SCOC: variants seen among roughly 807,000 people sequenced by gnomAD.
SCOC encodes the protein short coiled-coil protein.
Under a neutral mutation model 9.9 loss-of-function variants are expected in SCOC, and 7 were observed. That is an observed-to-expected ratio of 0.71 (90% CI 0.40 to 1.33). The LOEUF (loss-of-function observed/expected upper bound fraction) is 1.33. SCOC is among the 40% of genes most tolerant of loss of function. The pLI, the probability that SCOC is intolerant of heterozygous loss-of-function variation, is 0.01. For synonymous variants in SCOC, 19 were observed against 28.2 expected, an observed-to-expected ratio of 0.67 and a Z score of 1.03; for missense variants, 66 against 89.7, an observed-to-expected ratio of 0.74 and a Z score of 1.07.
intron 1 of SCOC, among the ~76,000 whole-genome samples, chr4:140,292,234 G>A (rs1255690046): frequency 6.6e-6 from 1 of 150,388 alleles, no homozygotes; most frequent in Non-Finnish European, 1.5e-5. Flanking sequence ...TGTCACCCAG[G>A]CTGGAGTGCA....
At chr4:140,380,234 G>C (rs1433465730) in intron 3 of SCOC, among the ~76,000 whole-genome samples, 1 of 78,060 alleles carries the variant, frequency 1.3e-5, no homozygotes, top group East Asian at 4.0e-4. Flanking sequence ...GTTCACTCTT[G>C]TTGCCCAGGT....
intron 1 of SCOC, among the ~76,000 whole-genome samples, chr4:140,272,966 T>G (rs1730882586): frequency 6.6e-6 from 1 of 152,212 alleles, no homozygotes; most frequent in South Asian, 2.1e-4. Context: ...GGCCCCTCTT[T>G]TCTTACTGTT....
chr4:140,348,295 C>T (rs552386740), intron 2 of SCOC, among the ~76,000 whole-genome samples: 2 of 152,120 alleles, frequency 1.3e-5, no homozygotes, highest in Admixed American at 1.3e-4. Context: ...ATCCTTTGGC[C>T]AACATCTCCG....
intron 1 of SCOC, chr4:140,293,474 A>G: frequency 2.2e-6 from 1 of 444,688 alleles, no homozygotes; most frequent in Non-Finnish European, 4.5e-6. Context: ...TGAGATGGAA[A>G]TGCCGGTCTG....
At chr4:140,326,033 C>T (rs539400979) in intron 1 of SCOC, among the ~76,000 whole-genome samples, 70 of 152,250 alleles carry the variant, frequency 4.6e-4, no homozygotes, top group South Asian at 3.7e-3. Flanking sequence ...CACAACAACA[C>T]GGATCTTAAA....
intron 1 of SCOC, among the ~76,000 whole-genome samples, chr4:140,273,953 ATTTGAC>A (rs1357823388): frequency 1.3e-5 from 2 of 152,230 alleles, no homozygotes; most frequent in Non-Finnish European, 2.9e-5. Context: ...ATGATTACCT[ATTTGAC>A]TTTGATAAGT....
intron 1 of SCOC, among the ~76,000 whole-genome samples, chr4:140,276,104 G>A (rs1376911785): frequency 2.0e-5 from 3 of 151,914 alleles, no homozygotes; most frequent in African/African-American, 4.8e-5. Context: ...CTGGGTTCAC[G>A]CCATTCTCCT....
upstream of SCOC, among the ~76,000 whole-genome samples, chr4:140,343,088 T>C (rs73855755): frequency 7.3e-3 from 1,116 of 152,270 alleles, 18 homozygotes; most frequent in African/African-American, 0.025. Flanking sequence ...CATGTATGAA[T>C]CTTATTTCTT....
intron 1 of SCOC, among the ~76,000 whole-genome samples, chr4:140,278,596 G>A (rs1244949039): frequency 1.3e-5 from 2 of 152,170 alleles, no homozygotes; most frequent in Admixed American, 1.3e-4. Flanking sequence ...TTTTTATAAG[G>A]GCATTCATCC....
At chr4:140,365,992 G>C (rs78917711) in intron 2 of SCOC, among the ~76,000 whole-genome samples, 3,555 of 151,072 alleles carry the variant, frequency 0.024, 139 homozygotes, top group African/African-American at 0.083. Flanking sequence ...TCAACTGTAG[G>C]GTAACATCCC....
intron 1 of SCOC, among the ~76,000 whole-genome samples, chr4:140,299,623 T>C (rs1472406680): frequency 6.6e-6 from 1 of 152,220 alleles, no homozygotes; most frequent in Non-Finnish European, 1.5e-5. Flanking sequence ...ACAAACGAAT[T>C]CTAAGACAAC....
At chr4:140,308,617 A>G (rs1732059320) in intron 1 of SCOC, among the ~76,000 whole-genome samples, 1 of 152,216 alleles carries the variant, frequency 6.6e-6, no homozygotes, top group East Asian at 1.9e-4. Context: ...GCCACGTGGC[A>G]GCCTGCAGCT....
intron 1 of SCOC, among the ~76,000 whole-genome samples, chr4:140,287,271 G>A (rs1042088311): frequency 6.9e-6 from 1 of 144,680 alleles, no homozygotes; most frequent in African/African-American, 2.6e-5. Context: ...CGCAAATCAT[G>A]TGCACATGCC....
chr4:140,267,916 C>A (rs1253995464), intron 1 of SCOC, among the ~76,000 whole-genome samples: 2 of 152,190 alleles, frequency 1.3e-5, no homozygotes, highest in East Asian at 3.9e-4. Flanking sequence ...GCCTCCGGAG[C>A]TGGTCAGCTC....
rs748243080 is a variant in SCOC at position 140,379,608 on chromosome 4, C to G, written c.62C>G (p.Thr21Arg). 4 of 1,612,748 alleles carry G rather than the reference C, an allele frequency of 2.5e-6. No individual in the cohort carries two copies. The highest frequency in any genetic ancestry group is 3.4e-6 in the Non-Finnish European group (4 of 1,179,614). Residue 21 changes from threonine (T) to arginine (R), a missense_variant, in exon 3 of 4, where the codon ACA (threonine) becomes AGA (arginine). Transcript: ENST00000608372. ...AENQVELEEKTRLINQVLELQ... is the reference protein window; with the variant it reads ...AENQVELEEKRRLINQVLELQ... ...AATCAAGTGGAACTGGAGGAAAAAA[C>G]AAGACTTATTAATCAAGTGTTGGAA...
chr4:140,305,089 A>C (rs1297634024), intron 1 of SCOC, among the ~76,000 whole-genome samples: 1 of 152,202 alleles, frequency 6.6e-6, no homozygotes, highest in East Asian at 1.9e-4. Flanking sequence ...GGAGGTTTGT[A>C]CTGAAGGAAA....
At chr4:140,353,694 G>T (rs1433980860) in intron 2 of SCOC, among the ~76,000 whole-genome samples, 1 of 152,144 alleles carries the variant, frequency 6.6e-6, no homozygotes, top group Non-Finnish European at 1.5e-5. Flanking sequence ...CACCATGCCG[G>T]CCTAGTATTC....
chr4:140,319,038 T>C (rs961493956), intron 1 of SCOC, among the ~76,000 whole-genome samples: 2 of 152,172 alleles, frequency 1.3e-5, no homozygotes, highest in African/African-American at 4.8e-5. Context: ...TTTTCTTCTT[T>C]ATTGTAAACG....
At chr4:140,373,917 T>C in intron 1 of SCOC, 200 bp downstream of exon 1, 1 of 710,316 alleles carries the variant, frequency 1.4e-6, no homozygotes, top group Non-Finnish European at 2.5e-6. Flanking sequence ...GACCTCTTTT[T>C]CTCCTGTTTT....
Sources: gnomAD v4.1 joint callset for allele counts (sites outside exome capture counted in the v4.1 genomes callset) on GRCh38, gnomAD v4.1.1 for gene constraint, MANE v1.5 for transcripts, NCBI Gene and HGNC (gene_info 2026-07-23, HGNC 2026-07-21) for gene names.